COL27A1: variants seen among roughly 807,000 people sequenced by gnomAD.
COL27A1 encodes collagen alpha-1(XXVII) chain.
COL27A1 carries 106 observed loss-of-function variants against 251.3 expected under a neutral mutation model. The observed-to-expected ratio is 0.42, with a 90% CI of 0.36 to 0.50. The LOEUF (loss-of-function observed/expected upper bound fraction) is 0.50. COL27A1 is among the 20% of genes least tolerant of loss of function. The pLI is 0.00. For missense variants in COL27A1, 2,325 were observed against 2,522.8 expected, an observed-to-expected ratio of 0.92 and a Z score of 1.68; for synonymous variants, 1,000 against 986.3, an observed-to-expected ratio of 1.01 and a Z score of -0.26.
intron 1 of COL27A1, among the ~76,000 whole-genome samples, chr9:114,161,109 C>T (rs1848468982): frequency 6.6e-6 from 1 of 152,168 alleles, no homozygotes; most frequent in Non-Finnish European, 1.5e-5. Flanking sequence ...TGTCTTCAGA[C>T]ACCCACTATT....
At chr9:114,238,349 C>G (rs1014536271) in intron 19 of COL27A1, among the ~76,000 whole-genome samples, 2 of 152,148 alleles carry the variant, frequency 1.3e-5, no homozygotes, top group African/African-American at 2.4e-5. Flanking sequence ...TTGACGCCCC[C>G]GTCTTTAACA....
chr9:114,304,496 G>T (rs547963937), intron 56 of COL27A1, 112 bp from the exon 57 acceptor site: 130 of 882,698 alleles, frequency 1.5e-4, no homozygotes, highest in Middle Eastern at 2.5e-4. Flanking sequence ...TCTGCAGAGG[G>T]CATATGACTT....
At chr9:114,220,879 C>T (rs1292929678) in intron 13 of COL27A1, among the ~76,000 whole-genome samples, 1 of 151,838 alleles carries the variant, frequency 6.6e-6, no homozygotes, top group Non-Finnish European at 1.5e-5. Context: ...TCTGTAATCC[C>T]AGGTACTTGG....
intron 37 of COL27A1, among the ~76,000 whole-genome samples, chr9:114,275,999 G>A (rs1380168603): frequency 1.3e-5 from 2 of 152,176 alleles, no homozygotes; most frequent in Non-Finnish European, 2.9e-5. Context: ...GTGCAAACCT[G>A]GTCCCTGCCG....
intron 56 of COL27A1, among the ~76,000 whole-genome samples, 169 bp downstream of exon 56, chr9:114,302,277 A>G (rs1304197911): frequency 1.3e-5 from 2 of 152,162 alleles, no homozygotes; most frequent in South Asian, 4.1e-4. Context: ...GAAGCAACAG[A>G]ACGAGCCCTG....
intron 1 of COL27A1, among the ~76,000 whole-genome samples, chr9:114,157,127 GC>G (rs561218316): frequency 6.8e-6 from 1 of 147,192 alleles, no homozygotes; most frequent in South Asian, 2.2e-4. Flanking sequence ...GCACCAGTGA[GC>G]ACACTGCTGA....
Position 114,290,883 on chromosome 9 carries a change from G to T in COL27A1, c.4442G>T (p.Gly1481Val), listed in dbSNP as rs1374248332. The change falls in exon 48 of 61, where the codon GGC becomes GTC. Residue 1481 changes from glycine to valine, a missense_variant. Coordinates refer to ENST00000356083, the MANE Select transcript of COL27A1 (RefSeq NM_032888.4). This position sits in a 1 kb window ranked among gnomAD's most constrained non-coding sequence, Gnocchi z 4.6. ...AAGAGAGGAAATCCAGGTGTGGCCG[G>T]CTTACCTGGAGCACAGGGACCCCCA... ...AGKRGNPGVA[G>V]LPGAQGPPGF... 1.3e-6 allele frequency: 2 copies of T among 1,551,470 alleles called. No homozygotes were observed. The highest frequency in any genetic ancestry group is 1.4e-5 in the African/African-American group (1 of 73,072).
intron 7 of COL27A1, among the ~76,000 whole-genome samples, chr9:114,201,323 C>T (rs1829560297): frequency 6.6e-6 from 1 of 152,224 alleles, no homozygotes; most frequent in Admixed American, 6.5e-5. Context: ...CCATAATTGG[C>T]GGGGCGCTGC....
intron 12 of COL27A1, chr9:114,218,362 C>A (rs541986861): frequency 6.4e-6 from 1 of 156,960 alleles, no homozygotes; most frequent in Non-Finnish European, 1.4e-5. Context: ...CAGTTGGACA[C>A]GCGTTTGAGC....
At chr9:114,304,954 G>A (rs372087323) in intron 57 of COL27A1, among the ~76,000 whole-genome samples, 3 of 152,226 alleles carry the variant, frequency 2.0e-5, no homozygotes, top group Admixed American at 6.5e-5. Context: ...AGCTCTTGCT[G>A]GCTGGAGTCA....
intron 36 of COL27A1, chr9:114,271,111 C>G (rs1835108479): frequency 2.9e-6 from 1 of 342,506 alleles, no homozygotes; most frequent in South Asian, 5.1e-5. Flanking sequence ...TCTTTGGTCT[C>G]TGTTATCTTC....
intron 12 of COL27A1, among the ~76,000 whole-genome samples, chr9:114,211,269 G>C (rs1830344062): frequency 1.3e-5 from 2 of 152,248 alleles, no homozygotes; most frequent in Non-Finnish European, 2.9e-5. Context: ...GTCTCCCTGT[G>C]GGCATCAGTG....
chr9:114,264,898 A>C, intron 29 of COL27A1, 26 bp from the exon 30 acceptor site: 1 of 1,605,616 alleles, frequency 6.2e-7, no homozygotes, highest in Non-Finnish European at 8.5e-7. Flanking sequence ...ACCCTCTCCC[A>C]CCTTCACGTG....
intron 24 of COL27A1, among the ~76,000 whole-genome samples, chr9:114,249,030 G>A (rs371071455): frequency 3.3e-5 from 5 of 152,150 alleles, no homozygotes; most frequent in African/African-American, 1.2e-4. Context: ...ACCATCTCCC[G>A]TATTCGGAAC....
At chr9:114,310,225 A>G (rs569333504) in intron 60 of COL27A1, among the ~76,000 whole-genome samples, 2 of 152,284 alleles carry the variant, frequency 1.3e-5, no homozygotes, top group Middle Eastern at 3.4e-3. Context: ...CCAAAAACTT[A>G]TTGAAAAAAT....
chr9:114,267,401 G>T lies in COL27A1; in HGVS notation c.3448-103G>T. ...CACCTCTGCATCTCTTGCACTGTGT[G>T]ACCCTGGGTGTTCTCTTGCCCTCTT... On this transcript the variant is annotated intron_variant, in intron 33 of 60. Coordinates refer to ENST00000356083, the MANE Select transcript of COL27A1 (RefSeq NM_032888.4). The T allele has an allele frequency of 3.2e-6, 3 of 938,260 alleles. No individual in the cohort carries two copies. In the South Asian group the frequency reaches 4.7e-5, roughly 15 times the overall value. The allele number at this position is 938,260 out of a possible 1,614,324, so 58.1% of individuals were successfully genotyped here. A position where few individuals can be genotyped will look rare whatever the true frequency, so the allele number is the denominator to read the frequency against.
Position 114,168,899 on chromosome 9 carries a change from C to A in COL27A1, c.1344C>A (p.Ser448Arg), listed in dbSNP as rs1849098659. The A allele has an allele frequency of 6.2e-7, 1 of 1,614,046 alleles. No homozygotes were observed. Among genetic ancestry groups the A allele is most frequent in the Non-Finnish European group, 8.5e-7 (1 of 1,179,998 alleles). The part of the protein sequence containing the change: ...PSTRPLPPTT[S>R]SSKKPIPTLA... ...CCCGGCCCCTACCTCCTACCACCAG[C>A]TCCTCTAAAAAACCCATTCCCACAC... Residue 448 changes from serine to arginine, a missense_variant, in exon 3 of 61, where the codon AGC becomes AGA. Around this residue, in one of 4 missense-constraint regions of COL27A1, gnomAD observed 1,183 missense variants for 1,144.1 expected, o/e 1.03. Transcript: ENST00000356083.
intron 37 of COL27A1, among the ~76,000 whole-genome samples, chr9:114,278,019 C>A (rs1028152400): frequency 2.0e-5 from 3 of 152,042 alleles, no homozygotes; most frequent in Non-Finnish European, 4.4e-5. Flanking sequence ...CCTCTCTGAG[C>A]CTTGGTTTTC....
intron 49 of COL27A1, among the ~76,000 whole-genome samples, chr9:114,294,173 G>C (rs1828108065): frequency 2.0e-5 from 3 of 150,788 alleles, no homozygotes; most frequent in Admixed American, 1.3e-4. Context: ...GCTTGAACCT[G>C]GGAGGCGGAG....
Sources: gnomAD v4.1 joint callset for allele counts (sites outside exome capture counted in the v4.1 genomes callset) on GRCh38, gnomAD v4.1.1 for gene constraint, gnomAD v4.1.1 regional missense constraint, Gnocchi (gnomAD v3.1) non-coding constraint, MANE v1.5 for transcripts, NCBI Gene and HGNC (gene_info 2026-07-23, HGNC 2026-07-21) for gene names.